BOD1L1: variants seen among roughly 807,000 people sequenced by gnomAD.
BOD1L1 encodes biorientation of chromosomes in cell division 1 like 1.
BOD1L1 carries 86 observed loss-of-function variants against 240.7 expected under a neutral mutation model. That is an observed-to-expected ratio of 0.36 (90% CI 0.30 to 0.43). The LOEUF (loss-of-function observed/expected upper bound fraction) is 0.43. Ranked by LOEUF, BOD1L1 falls within the 20% of genes least tolerant of loss-of-function variation. The probability of loss-of-function intolerance (pLI) is 1.00; values close to 1 mark genes in which losing one functional copy is unlikely to be tolerated. For missense variants in BOD1L1, 3,554 were observed against 3,643.5 expected (o/e 0.98, Z 0.63); for synonymous variants, 1,268 against 1,272.3 (o/e 1.00, Z 0.07).
intron 7 of BOD1L1, among the ~76,000 whole-genome samples, chr4:13,609,051 G>GA (rs2108970384): frequency 6.6e-6 from 1 of 152,164 alleles, no homozygotes; most frequent in South Asian, 2.1e-4. Context: ...AATCATTACA[G>GA]AAAAATATAC....
chr4:13,586,875 A>G (rs190376978), intron 16 of BOD1L1, among the ~76,000 whole-genome samples: 12 of 152,288 alleles, frequency 7.9e-5, no homozygotes, highest in Non-Finnish European at 1.5e-4. Flanking sequence ...TCAGAACCTT[A>G]ATCTCTTTAT....
chr4:13,607,088 A>AT, intron 9 of BOD1L1, 29 bp downstream of exon 9: 1 of 1,428,206 alleles, frequency 7.0e-7, no homozygotes, highest in East Asian at 2.6e-5. Flanking sequence ...ACAAAACAGC[A>AT]TTTGAAATGA....
rs1185604913 is a variant in BOD1L1, at chr4:13,603,313, T to C, written c.3587A>G (p.His1196Arg). Reference protein sequence around the residue: ...GTGVNSNSEKHADHRSTLTKK... With the variant: ...GTGVNSNSEKRADHRSTLTKK... ...GGTCAAGGTGCTTCTATGATCGGCA[T>C]GCTTTTCAGAATTACTATTAACTCC... is the stretch of plus-strand genomic sequence containing the variant. The change falls in exon 10 of 26, where the codon CAT becomes CGT. Residue 1196 changes from histidine (H) to arginine (R), a missense_variant. Transcript: ENST00000040738. 2 of 1,613,912 alleles carry C rather than the reference T, an allele frequency of 1.2e-6. No individual in the cohort carries two copies. The highest frequency in any genetic ancestry group is 2.7e-5 in the African/African-American group (2 of 74,930).
chr4:13,627,435 CG>C lies in BOD1L1; in HGVS notation c.152del (p.Pro51ArgfsTer6). 1 of 1,314,450 alleles carries C rather than the reference CG, an allele frequency of 7.6e-7. No homozygotes were observed. The highest frequency in any genetic ancestry group is 9.8e-7 in the Non-Finnish European group (1 of 1,018,282). 81.4% of individuals were successfully genotyped at this position (1,314,450 alleles called of 1,614,324 possible). A position where few individuals can be genotyped will look rare whatever the true frequency, so the allele number is the denominator to read the frequency against. Reference protein sequence around the residue: ...AGGAGAGAGDPQLVAMIVNHL... With the variant: ...AGGAGAGAGDXQLVAMIVNHL... ...GGTTCACGATCATGGCCACGAGCTGCGGGTCCCCGGCGCCCGCACCCGCGCC... is the reference window on the plus strand; with the variant it reads ...GGTTCACGATCATGGCCACGAGCTGCGGTCCCCGGCGCCCGCACCCGCGCC... On this transcript the variant is annotated frameshift_variant, in exon 1 of 26. Coordinates refer to ENST00000040738, the MANE Select transcript of BOD1L1 (RefSeq NM_148894.3). LOFTEE classifies it high-confidence loss of function.
At position 13,602,192 on chromosome 4, in the gene BOD1L1, T is replaced by C; in HGVS notation, c.4708A>G (p.Arg1570Gly). The change falls in exon 10 of 26, where the codon AGA (arginine) becomes GGA (glycine). Residue 1570 changes from arginine (R) to glycine (G), a missense_variant. By Grantham distance (125) the Arg-to-Gly change is moderately radical. Around this residue, in one of 2 missense-constraint regions of BOD1L1, gnomAD observed 3,393 missense variants for 3,427.1 expected, o/e 0.99. Coordinates refer to ENST00000040738, the MANE Select transcript of BOD1L1 (RefSeq NM_148894.3). ...DEGLIIGTHSRNNPLHVGAEA... is the reference protein window; with the variant it reads ...DEGLIIGTHSGNNPLHVGAEA... ...GCACCAACATGAAGAGGATTATTTCTGGAATGTGTTCCTATTATGAGGCCT... is the reference window on the plus strand; with the variant it reads ...GCACCAACATGAAGAGGATTATTTCCGGAATGTGTTCCTATTATGAGGCCT... 1 of 1,613,802 alleles carries C rather than the reference T, an allele frequency of 6.2e-7. No homozygotes were observed. The highest frequency in any genetic ancestry group is 8.5e-7 in the Non-Finnish European group (1 of 1,179,764).
At chr4:13,621,955 G>C (rs28412558) in intron 1 of BOD1L1, among the ~76,000 whole-genome samples, 22,507 of 143,052 alleles carry the variant, frequency 0.16, 1,849 homozygotes, top group Middle Eastern at 0.28. Flanking sequence ...ACCTCCACCT[G>C]CCGGGTTCCA....
At chr4:13,594,830 G>C (rs904260064) in intron 12 of BOD1L1, among the ~76,000 whole-genome samples, 2 of 152,128 alleles carry the variant, frequency 1.3e-5, no homozygotes, top group African/African-American at 2.4e-5. Context: ...GGGAGTCAGA[G>C]GTTGCAGTGA....
At chr4:13,587,914 A>C in intron 15 of BOD1L1, 143 bp from the exon 16 acceptor site, 1 of 583,744 alleles carries the variant, frequency 1.7e-6, no homozygotes, top group Non-Finnish European at 3.0e-6. Flanking sequence ...GGCCGGGTGC[A>C]GTGGCTCACA....
intron 17 of BOD1L1, among the ~76,000 whole-genome samples, chr4:13,584,441 AGTGTGTGTGTGTGTGTGTGTGTGTGT>A (rs36096107): frequency 3.0e-5 from 4 of 134,814 alleles, no homozygotes; most frequent in Non-Finnish European, 6.4e-5. Context: ...AGAGAGAGAG[AGTGTGTGTGTGTGTGTGTGTGTGTGT>A]GTGTGTGTGT....
chr4:13,588,574 T>C, intron 15 of BOD1L1, 148 bp downstream of exon 15: 1 of 642,038 alleles, frequency 1.6e-6, no homozygotes, highest in Non-Finnish European at 2.6e-6. Flanking sequence ...AAAGGGCATA[T>C]ACAGGTAAAA....
intron 24 of BOD1L1, 41 bp downstream of exon 24, chr4:13,577,362 T>G: frequency 6.4e-7 from 1 of 1,571,984 alleles, no homozygotes; most frequent in Non-Finnish European, 8.7e-7. Context: ...AAAGGTGGTT[T>G]TGAAACAATA....
chr4:13,626,750 T>TCGG (rs1293432949), intron 1 of BOD1L1, among the ~76,000 whole-genome samples: 1 of 152,166 alleles, frequency 6.6e-6, no homozygotes, highest in Non-Finnish European at 1.5e-5. Context: ...ACTGAATGAC[T>TCGG]CGGTTCTCTC....
At chr4:13,597,839 G>C (rs1414802554) in intron 10 of BOD1L1, among the ~76,000 whole-genome samples, 2 of 152,190 alleles carry the variant, frequency 1.3e-5, no homozygotes, top group African/African-American at 4.8e-5. Context: ...AAAGTTACTT[G>C]TTTCAACCCT....
At chr4:13,586,271 T>C (rs549880504) in intron 17 of BOD1L1, 125 bp downstream of exon 17, 1 of 470,876 alleles carries the variant, frequency 2.1e-6, no homozygotes, top group Admixed American at 4.1e-5. Flanking sequence ...ATAAAGTGAT[T>C]ATTATTAGAG....
chr4:13,627,487 G>A lies in BOD1L1; in HGVS notation c.101C>T (p.Ala34Val). 1 of 996,726 alleles carries A rather than the reference G, an allele frequency of 1.0e-6. No homozygotes were observed. The allele number at this position is 996,726 out of a possible 1,614,324, so 61.7% of individuals were successfully genotyped here. ...GCCCGCCCCGCCCGCGCCGGGGCCAGCCCCGGGGCCCGGCGGCGGCGGCGG... is the reference window on the plus strand; with the variant it reads ...GCCCGCCCCGCCCGCGCCGGGGCCAACCCCGGGGCCCGGCGGCGGCGGCGG... ...QPPPPPPGPG[A>V]GPGAGGAGGA... Residue 34 changes from alanine (A) to valine (V), a missense_variant, in exon 1 of 26, where the codon GCT becomes GTT. Ala to Val is a moderately conservative substitution (Grantham distance 64, BLOSUM62 0). This residue lies in a region of BOD1L1 where 161 missense variants were observed against 216.4 expected (regional missense o/e 0.74). Transcript: ENST00000040738.
At position 13,599,780 on chromosome 4, in the gene BOD1L1, G is replaced by A; in HGVS notation, c.7120C>T (p.Pro2374Ser). The change falls in exon 10 of 26, where the codon CCC becomes TCC. Residue 2374 changes from proline to serine, a missense_variant. Around this residue, in one of 2 missense-constraint regions of BOD1L1, gnomAD observed 3,393 missense variants for 3,427.1 expected, o/e 0.99. Coordinates refer to ENST00000040738, the MANE Select transcript of BOD1L1 (RefSeq NM_148894.3). ...SATEVSKHKVPMPSLIAENNC... is the reference protein window; with the variant it reads ...SATEVSKHKVSMPSLIAENNC... The stretch of plus-strand genomic sequence containing the variant: ...TTCTCAGCAATTAGGCTGGGCATGG[G>A]GACCTTGTGCTTGCTCACTTCTGTG... 2 of 1,613,980 alleles carry A rather than the reference G, an allele frequency of 1.2e-6. No homozygotes were observed. The highest frequency in any genetic ancestry group is 1.7e-6 in the Non-Finnish European group (2 of 1,179,890).
intron 1 of BOD1L1, among the ~76,000 whole-genome samples, chr4:13,620,680 G>A (rs545990998): frequency 6.9e-4 from 105 of 152,340 alleles, no homozygotes; most frequent in Non-Finnish European, 1.3e-3. Context: ...TGGGCAGAGT[G>A]ATAGAACAGC....
chr4:13,610,860 T>C, intron 6 of BOD1L1, 74 bp downstream of exon 6: 2 of 1,306,308 alleles, frequency 1.5e-6, no homozygotes, highest in Non-Finnish European at 2.1e-6. Flanking sequence ...TGCACATCAG[T>C]ACCTTGCAGA....
In BOD1L1 at chr4:13,601,890, G is replaced by A. The variant is rs779931928; in HGVS notation, c.5010C>T (p.Asp1670=). 5 of 1,613,884 alleles carry A rather than the reference G, an allele frequency of 3.1e-6. No homozygotes were observed. Among genetic ancestry groups the A allele is most frequent in the East Asian group, 4.5e-5 (2 of 44,878 alleles). ...TAATAGTTCCTTCAACTATTTCTGA[G>A]TCTCTACTTAAAGAACCATCACATT... ...EEKCDGSLSR[D]SEIVEGTITF... The change falls in exon 10 of 26, where the codon GAC becomes GAT. Residue 1670 remains aspartate, a synonymous_variant. Transcript: ENST00000040738.
Sources: gnomAD v4.1 joint callset for allele counts (sites outside exome capture counted in the v4.1 genomes callset) on GRCh38, gnomAD v4.1.1 for gene constraint, gnomAD v4.1.1 regional missense constraint, MANE v1.5 for transcripts, NCBI Gene and HGNC (gene_info 2026-07-23, HGNC 2026-07-21) for gene names.